The following C2 variants were observed in gnomAD, a reference collection of about 807,000 sequenced individuals.
The protein encoded by C2 is C3/C5 convertase.
C2 carries 64 observed loss-of-function variants against 85.2 expected under a neutral mutation model. That is an observed-to-expected ratio of 0.75 (90% CI 0.61 to 0.92). The LOEUF is 0.92. Ranked by LOEUF, C2 falls within the 40% of genes least tolerant of loss-of-function variation. The probability of loss-of-function intolerance (pLI) is 0.00; values close to 1 mark genes in which losing one functional copy is unlikely to be tolerated. For missense variants in C2, 820 were observed against 971.6 expected, an observed-to-expected ratio of 0.84 and a Z score of 2.07; for synonymous variants, 311 against 370.8, an observed-to-expected ratio of 0.84 and a Z score of 1.85.
intron 1 of C2, among the ~76,000 whole-genome samples, chr6:31,914,104 T>C (rs1007172329): frequency 1.3e-5 from 2 of 150,586 alleles, no homozygotes; most frequent in African/African-American, 2.4e-5. Context: ...GTATTCACCG[T>C]GTTTCACTAT....
At chr6:31,917,286 T>C (rs1317538000), upstream of C2, among the ~76,000 whole-genome samples, 1 of 151,388 alleles carries the variant, frequency 6.6e-6, no homozygotes, top group Non-Finnish European at 1.5e-5. Context: ...GAAAGATAAA[T>C]AGTTTTGCAG....
intron 7 of C2, chr6:31,937,073 G>C (rs1370053970): frequency 7.9e-6 from 4 of 509,020 alleles, no homozygotes; most frequent in African/African-American, 7.7e-5. Flanking sequence ...GCTGGGCATG[G>C]TGGCTGGCAC....
upstream of C2, among the ~76,000 whole-genome samples, chr6:31,922,757 C>G (rs892088772): frequency 6.6e-6 from 1 of 152,012 alleles, no homozygotes; most frequent in African/African-American, 2.4e-5. This position sits in a 1 kb window ranked among gnomAD's most constrained non-coding sequence, Gnocchi z 4.8. Context: ...CAGGAGAATC[C>G]CTTGAACCCA....
In C2 at chr6:31,944,100, G is replaced by C; in HGVS notation, c.1811-35G>C. 6.3e-7 allele frequency: 1 copy of C among 1,595,148 alleles called. No homozygotes were observed. Among genetic ancestry groups the C allele is most frequent in the Non-Finnish European group, 8.6e-7 (1 of 1,163,684 alleles). On this transcript the variant is annotated intron_variant, in intron 14 of 17. Transcript: ENST00000299367. This position sits in a 1 kb window ranked among gnomAD's most constrained non-coding sequence, Gnocchi z 5.1. ...CCAGGAACCTGGATTCTGGGTAAAA[G>C]GACCAGCACCAACATCCCCTTCTCT... is the stretch of plus-strand genomic sequence containing the variant.
At chr6:31,941,907 C>T (rs1770916716) in intron 9 of C2, among the ~76,000 whole-genome samples, 1 of 150,522 alleles carries the variant, frequency 6.6e-6, no homozygotes, top group Admixed American at 6.6e-5. Context: ...CAACATCCGC[C>T]TCCCGGTTCA....
chr6:31,906,945 T>C (rs1017374189), intron 1 of C2, among the ~76,000 whole-genome samples: 3 of 151,654 alleles, frequency 2.0e-5, no homozygotes, highest in African/African-American at 7.3e-5. Flanking sequence ...GAGAACAGCC[T>C]GGCCAACATG....
chr6:31,900,387 CCCCCCGGG>C, upstream of C2: 1 of 1,544,192 alleles, frequency 6.5e-7, no homozygotes, highest in Non-Finnish European at 8.7e-7. The surrounding 1 kb of genome is among the most constrained non-coding windows in gnomAD (Gnocchi z 9.7). Context: ...CTGCCCCCCG[CCCCCCGGG>C]CAGCCATGGC....
chr6:31,900,212 C>T (rs148281037), upstream of C2: 8 of 1,614,042 alleles, frequency 5.0e-6, 1 homozygote, highest in African/African-American at 9.3e-5. This position sits in a 1 kb window ranked among gnomAD's most constrained non-coding sequence, Gnocchi z 9.7. Flanking sequence ...GAACTGCTTG[C>T]CACAGCGAGG....
At chr6:31,912,579 C>T (rs531360145) in intron 1 of C2, among the ~76,000 whole-genome samples, 3 of 152,310 alleles carry the variant, frequency 2.0e-5, no homozygotes, top group East Asian at 3.9e-4. Flanking sequence ...GTGGCTCACA[C>T]CTGTAATCCG....
At chr6:31,919,762 C>T (rs1768834495), upstream of C2, among the ~76,000 whole-genome samples, 1 of 152,182 alleles carries the variant, frequency 6.6e-6, no homozygotes, top group African/African-American at 2.4e-5. Flanking sequence ...GCTCTGTACA[C>T]ACAGATAAGC....
rs774349567 is a variant in C2 at position 31,944,774 on chromosome 6, C to A, written c.1950C>A (p.Pro650=). ...EVVSQEKTMF[P]NLTDVREVVT... ...TCTCCCAAGAAAAAACCATGTTCCCCAACTTGACAGATGTCAGGGAGGTGG... is the reference window on the plus strand; with the variant it reads ...TCTCCCAAGAAAAAACCATGTTCCCAAACTTGACAGATGTCAGGGAGGTGG... Residue 650 remains proline, a synonymous_variant, in exon 16 of 18, where the codon CCC becomes CCA. Transcript: ENST00000299367. The surrounding 1 kb of genome is among the most constrained non-coding windows in gnomAD (Gnocchi z 5.1). The A allele has an allele frequency of 3.1e-6, 5 of 1,613,100 alleles. No homozygotes were observed. Among genetic ancestry groups the A allele is most frequent in the Non-Finnish European group, 4.2e-6 (5 of 1,180,024 alleles).
At chr6:31,931,473 G>A (rs943157956) in intron 3 of C2, among the ~76,000 whole-genome samples, 3 of 151,312 alleles carry the variant, frequency 2.0e-5, no homozygotes, top group Non-Finnish European at 4.4e-5. Context: ...CTCTTAAGGA[G>A]CATGCTGCCT....
At chr6:31,941,516 CAG>C (rs1770874739) in intron 9 of C2, 1 of 152,258 alleles carries the variant, frequency 6.6e-6, no homozygotes, top group Non-Finnish European at 1.5e-5. Context: ...TTGTTTGAGA[CAG>C]AGTCTCGCTC....
chr6:31,942,671 G>A (rs907769080), intron 9 of C2, among the ~76,000 whole-genome samples: 17 of 152,210 alleles, frequency 1.1e-4, no homozygotes, highest in African/African-American at 3.9e-4. Context: ...TGAGCCATGT[G>A]GAAGTCTGGG....
Position 31,935,579 on chromosome 6 carries a change from TC to T in C2, c.850-343del, listed in dbSNP as rs1227862714. On this transcript the variant is annotated intron_variant, in intron 6 of 17. Transcript: ENST00000299367. The surrounding 1 kb of genome is among the most constrained non-coding windows in gnomAD (Gnocchi z 4.3). Reference sequence around the variant, plus strand: ...TTGCCTCCTGGGTTCAAGTGATTCTTCTGCCTCAGCCTCCTGAGTAGCTGGG... The same window carrying T: ...TTGCCTCCTGGGTTCAAGTGATTCTTTGCCTCAGCCTCCTGAGTAGCTGGG... 6.6e-6 allele frequency among the ~76,000 whole-genome samples: 1 copy of T among 152,000 alleles called. No individual in the cohort carries two copies. Among genetic ancestry groups the T allele is most frequent in the Non-Finnish European group, 1.5e-5 (1 of 67,984 alleles).
chr6:31,929,010 A>G, intron 3 of C2, 93 bp downstream of exon 3: 1 of 1,183,716 alleles, frequency 8.4e-7, no homozygotes, highest in Non-Finnish European at 1.2e-6. Context: ...CTGTGGGGAT[A>G]GGAGTCTGTT....
In C2 at chr6:31,922,548, C is replaced by T. The variant is rs992376575; in HGVS notation, c.-100+2522C>T. 6.6e-6 allele frequency among the ~76,000 whole-genome samples: 1 copy of T among 152,110 alleles called. No individual in the cohort carries two copies. Among genetic ancestry groups the T allele is most frequent in the Non-Finnish European group, 1.5e-5 (1 of 68,010 alleles). ...CAGAGCATCATTTCTGATTTTTAAA[C>T]TCTGATTAGGGGGCCTGGCACAGTG... On this transcript the variant is annotated intron_variant, in intron 1 of 3. Transcript: ENST00000413154. This position sits in a 1 kb window ranked among gnomAD's most constrained non-coding sequence, Gnocchi z 4.8.
chr6:31,899,832 C>G, upstream of C2: 1 of 1,372,858 alleles, frequency 7.3e-7, no homozygotes, highest in Admixed American at 2.3e-5. Flanking sequence ...ACCTTTCTGC[C>G]CCAGACCCCC....
At position 31,921,814 on chromosome 6, in the gene C2, C is replaced by T. The variant is rs2151731501; in HGVS notation, c.-100+1788C>T. On this transcript the variant is annotated intron_variant, in intron 1 of 3. Coordinates refer to the C2 transcript ENST00000413154. This position sits in a 1 kb window ranked among gnomAD's most constrained non-coding sequence, Gnocchi z 4.6. ...CCTGCTAATATGAAGTCTTCCTCCCCCAGAAGCAGACCTGGAGACAAGGGT... is the reference window on the plus strand; with the variant it reads ...CCTGCTAATATGAAGTCTTCCTCCCTCAGAAGCAGACCTGGAGACAAGGGT... Among the ~76,000 whole-genome samples the T allele has an allele frequency of 6.6e-6, 1 of 152,232 alleles. No homozygotes were observed. Among genetic ancestry groups the T allele is most frequent in the South Asian group, 2.1e-4 (1 of 4,818 alleles).
Sources: gnomAD v4.1 joint callset for allele counts (sites outside exome capture counted in the v4.1 genomes callset) on GRCh38, gnomAD v4.1.1 for gene constraint, Gnocchi (gnomAD v3.1) non-coding constraint, MANE v1.5 for transcripts, NCBI Gene and HGNC (gene_info 2026-07-23, HGNC 2026-07-21) for gene names.